The following TFCP2L1 variants were observed in gnomAD, a reference collection of about 807,000 sequenced individuals.
TFCP2L1 encodes the protein transcription factor CP2 like 1, also known as transcription factor CP2-like protein 1.
A neutral mutation model predicts 72.2 loss-of-function variants in TFCP2L1; 12 were observed. That is an observed-to-expected ratio of 0.17 (90% CI 0.11 to 0.27). The LOEUF is 0.27. Ranked by LOEUF, TFCP2L1 falls within the 10% of genes least tolerant of loss-of-function variation. TFCP2L1 has a pLI of 1.00. For missense variants in TFCP2L1, 488 were observed against 624.6 expected (o/e 0.78, Z 2.33); for synonymous variants, 260 against 251.0 (o/e 1.04, Z -0.34).
At chr2:121,278,082 T>G (rs1315146899) in intron 2 of TFCP2L1, among the ~76,000 whole-genome samples, 1 of 147,704 alleles carries the variant, frequency 6.8e-6, no homozygotes, top group African/African-American at 2.5e-5. Flanking sequence ...CAGGTCGGAC[T>G]GCGGACTGCA....
At chr2:121,270,609 C>T (rs1349050458) in intron 2 of TFCP2L1, among the ~76,000 whole-genome samples, 1 of 152,126 alleles carries the variant, frequency 6.6e-6, no homozygotes, top group Non-Finnish European at 1.5e-5. Flanking sequence ...ATACAACAGC[C>T]ATACAATGAT....
chr2:121,222,811 T>C lies in TFCP2L1; in HGVS notation c.*1530A>G, dbSNP rs144232147. 44 of 110,228 alleles carry C rather than the reference T, an allele frequency of 4.0e-4. No homozygotes were observed. Among genetic ancestry groups the C allele is most frequent in the African/African-American group, 1.2e-3 (43 of 35,098 alleles). 6.8% of individuals were successfully genotyped at this position (110,228 alleles called of 1,614,324 possible). A position where few individuals can be genotyped will look rare whatever the true frequency, so the allele number is the denominator to read the frequency against. ...ATGACATCTCAATAAAGCTGTTAGT[T>C]AACCCACTCCCCGCTTCTCCTCTAA... is the stretch of plus-strand genomic sequence containing the variant. On this transcript the variant is annotated 3_prime_UTR_variant, in exon 15 of 15. Coordinates refer to ENST00000263707, the MANE Select transcript of TFCP2L1 (RefSeq NM_014553.3).
chr2:121,281,202 C>G lies in TFCP2L1; in HGVS notation c.132G>C (p.Leu44=). The change falls in exon 2 of 15, where the codon CTG becomes CTC. Residue 44 remains leucine, a synonymous_variant. Transcript: ENST00000263707. ...PQLSPENEAR[L]PPLQYVLCAA... is the part of the protein sequence containing the mutation. ...CACACAACACATATTGCAGGGGTGG[C>G]AGGCGGGCCTCGTTCTCGGGGGACA... 3 of 1,613,020 alleles carry G rather than the reference C, an allele frequency of 1.9e-6. No individual in the cohort carries two copies. Among genetic ancestry groups the G allele is most frequent in the Non-Finnish European group, 2.5e-6 (3 of 1,179,832 alleles).
Position 121,235,178 on chromosome 2 carries a change from G to A in TFCP2L1, c.1094+43C>T, listed in dbSNP as rs771725970. The A allele has an allele frequency of 1.0e-5, 16 of 1,607,290 alleles. No homozygotes were observed. In the South Asian group the frequency reaches 1.3e-4, roughly 13 times the overall value. On this transcript the variant is annotated intron_variant, in intron 11 of 14. Transcript: ENST00000263707. The stretch of plus-strand genomic sequence containing the variant: ...AGGGGTTTCCCACCACATGCCACGG[G>A]ACATGAGCCTCTGGCTGGCTTCACA...
Position 121,231,877 on chromosome 2 carries a change from G to C in TFCP2L1, c.1290C>G (p.His430Gln), listed in dbSNP as rs767673093. 1.2e-6 allele frequency: 2 copies of C among 1,613,784 alleles called. No homozygotes were observed. The highest frequency in any genetic ancestry group is 4.5e-5 in the East Asian group (2 of 44,860). ...CCGTGGGGCCCTGCCGGTAGACTCG[G>C]TGGATGTGCTGGGGGGAGATGCTGT... Reference protein sequence around the residue: ...NLYSISPQHIHRVYRQGPTGI... With the variant: ...NLYSISPQHIQRVYRQGPTGI... The change falls in exon 13 of 15, where the codon CAC becomes CAG. Residue 430 changes from histidine to glutamine, a missense_variant. Physicochemically the swap from His to Gln is conservative, Grantham distance 24. Coordinates refer to ENST00000263707, the MANE Select transcript of TFCP2L1 (RefSeq NM_014553.3).
At chr2:121,266,591 A>T (rs1330425888) in intron 2 of TFCP2L1, among the ~76,000 whole-genome samples, 1 of 152,162 alleles carries the variant, frequency 6.6e-6, no homozygotes, top group East Asian at 1.9e-4. Flanking sequence ...CAAGGTTTTG[A>T]TGCTTCAGTG....
At chr2:121,281,073 C>T in intron 2 of TFCP2L1, 47 bp downstream of exon 2, 1 of 1,611,928 alleles carries the variant, frequency 6.2e-7, no homozygotes, top group East Asian at 2.2e-5. Flanking sequence ...GCATCAGCTC[C>T]CCACTACTTC....
chr2:121,267,945 C>T (rs1182409602), intron 2 of TFCP2L1, among the ~76,000 whole-genome samples: 1 of 152,170 alleles, frequency 6.6e-6, no homozygotes, highest in Non-Finnish European at 1.5e-5. Flanking sequence ...CTGTGGAAGG[C>T]CAAAGCAGGA....
At chr2:121,274,667 G>A (rs533693491) in intron 2 of TFCP2L1, among the ~76,000 whole-genome samples, 1 of 152,158 alleles carries the variant, frequency 6.6e-6, no homozygotes, top group African/African-American at 2.4e-5. Flanking sequence ...TAAAATTTTA[G>A]GGGCCAGGCA....
intron 7 of TFCP2L1, chr2:121,240,525 C>T: frequency 1.0e-6 from 1 of 985,380 alleles, no homozygotes; most frequent in East Asian, 1.1e-4. Flanking sequence ...AATCCTACAG[C>T]CCAAGGAGGA....
In TFCP2L1 at chr2:121,242,341, C is replaced by G. The variant is rs1010190618; in HGVS notation, c.768+18G>C. On this transcript the variant is annotated intron_variant, in intron 7 of 14. Transcript: ENST00000263707. Reference sequence around the variant, plus strand: ...GGAAGACCCTTGGAGGCTCTGTCCCCGCACCCAGCCGGCTCACCTCTGTGA... The same window carrying G: ...GGAAGACCCTTGGAGGCTCTGTCCCGGCACCCAGCCGGCTCACCTCTGTGA... The G allele has an allele frequency of 2.5e-6, 4 of 1,609,024 alleles. No homozygotes were observed. The East Asian group carries it at 8.9e-5, about 36-fold the overall frequency.
intron 2 of TFCP2L1, among the ~76,000 whole-genome samples, chr2:121,260,424 C>T (rs1327095015): frequency 6.6e-6 from 1 of 152,262 alleles, no homozygotes; most frequent in East Asian, 1.9e-4. Flanking sequence ...ATGTACTTCC[C>T]GCCCACACGT....
chr2:121,248,565 T>A (rs574734997), intron 4 of TFCP2L1, among the ~76,000 whole-genome samples: 114 of 152,294 alleles, frequency 7.5e-4, no homozygotes, highest in Admixed American at 1.4e-3. Context: ...GTATTGTCAT[T>A]CTAGCTTCTG....
intron 13 of TFCP2L1, among the ~76,000 whole-genome samples, chr2:121,226,983 C>A (rs1686043007): frequency 6.6e-6 from 1 of 152,186 alleles, no homozygotes; most frequent in Non-Finnish European, 1.5e-5. Context: ...CTACCAGCCC[C>A]GTCAGTCAAC....
At chr2:121,244,500 C>T (rs1260736440) in intron 6 of TFCP2L1, among the ~76,000 whole-genome samples, 1 of 152,198 alleles carries the variant, frequency 6.6e-6, no homozygotes, top group Non-Finnish European at 1.5e-5. Context: ...GCCACCCCTA[C>T]TCCCTGCAGG....
At chr2:121,225,458 A>C (rs1219750589) in intron 14 of TFCP2L1, 104 bp downstream of exon 14, 1 of 1,119,022 alleles carries the variant, frequency 8.9e-7, no homozygotes, top group Non-Finnish European at 1.3e-6. Context: ...TTTTTCTCAA[A>C]GGCTTTTCCC....
intron 12 of TFCP2L1, among the ~76,000 whole-genome samples, chr2:121,233,034 A>C (rs1010922750): frequency 6.6e-5 from 10 of 152,278 alleles, no homozygotes; most frequent in Non-Finnish European, 1.5e-4. Flanking sequence ...AAAAGCACAC[A>C]CAGGTGGGTG....
intron 2 of TFCP2L1, among the ~76,000 whole-genome samples, chr2:121,254,040 G>A (rs952267745): frequency 1.3e-5 from 2 of 152,180 alleles, no homozygotes; most frequent in Non-Finnish European, 2.9e-5. Flanking sequence ...TAGGGCACAA[G>A]GGCATTTCTC....
chr2:121,238,635 G>C (rs1686299851), intron 8 of TFCP2L1, among the ~76,000 whole-genome samples: 1 of 152,140 alleles, frequency 6.6e-6, no homozygotes, highest in Non-Finnish European at 1.5e-5. Context: ...TTCTCGCCAA[G>C]TGTCTACAGG....
Sources: gnomAD v4.1 joint callset for allele counts (sites outside exome capture counted in the v4.1 genomes callset) on GRCh38, gnomAD v4.1.1 for gene constraint, MANE v1.5 for transcripts, NCBI Gene and HGNC (gene_info 2026-07-23, HGNC 2026-07-21) for gene names.